Variants in CWC27 observed in about 807,000 individuals in gnomAD.
CWC27 encodes CWC27 spliceosome associated cyclophilin.
Under a neutral mutation model 63.6 loss-of-function variants are expected in CWC27, and 47 were observed. The observed-to-expected ratio is 0.74, with a 90% confidence interval of 0.58 to 0.94. CWC27 has a LOEUF of 0.94. Ranked by LOEUF, CWC27 falls within the 40% of genes least tolerant of loss-of-function variation. The probability of loss-of-function intolerance (pLI) is 0.00; values close to 1 mark genes in which losing one functional copy is unlikely to be tolerated. For synonymous variants in CWC27, 175 were observed against 179.8 expected (o/e 0.97, Z 0.22); for missense variants, 495 against 554.3 (o/e 0.89, Z 1.07).
chr5:64,782,784 C>T lies in CWC27; in HGVS notation c.252+751C>T, dbSNP rs74507623. Among the ~76,000 whole-genome samples the T allele has an allele frequency of 1.9e-3, 287 of 152,248 alleles. 1 individual carries two copies. The highest frequency in any genetic ancestry group is 5.1e-3 in the African/African-American group (211 of 41,568). ...CATTGTGTGATTCTTGAAGAAAATA[C>T]TTGAACTGTTAGCTTTAATTTCCAG... On this transcript the variant is annotated intron_variant, in intron 3 of 13. Transcript: ENST00000381070.
intron 13 of CWC27, among the ~76,000 whole-genome samples, chr5:64,982,738 CT>C (rs1274618472): frequency 3.3e-5 from 5 of 152,132 alleles, no homozygotes; most frequent in Non-Finnish European, 5.9e-5. Flanking sequence ...CAACTTCACC[CT>C]TTAGTATTAG....
At chr5:64,844,762 G>T (rs900485342) in intron 10 of CWC27, among the ~76,000 whole-genome samples, 1 of 152,180 alleles carries the variant, frequency 6.6e-6, no homozygotes, top group African/African-American at 2.4e-5. Flanking sequence ...CCACTTTCAC[G>T]CATCTTAGAG....
intron 13 of CWC27, among the ~76,000 whole-genome samples, chr5:65,010,342 T>C (rs974930699): frequency 6.6e-6 from 1 of 152,158 alleles, no homozygotes; most frequent in Non-Finnish European, 1.5e-5. Flanking sequence ...AACTTGAAAA[T>C]TGTTTGGTCT....
At chr5:64,963,857 A>G (rs1432985134) in intron 11 of CWC27, among the ~76,000 whole-genome samples, 1 of 152,238 alleles carries the variant, frequency 6.6e-6, no homozygotes, top group Non-Finnish European at 1.5e-5. Flanking sequence ...TCCAAAGACC[A>G]AGAACTGGAG....
chr5:64,819,481 T>G (rs892380600), intron 10 of CWC27, among the ~76,000 whole-genome samples: 1 of 152,038 alleles, frequency 6.6e-6, no homozygotes, highest in South Asian at 2.1e-4. Context: ...TGGGAGGTAA[T>G]TAATCATGAG....
intron 13 of CWC27, among the ~76,000 whole-genome samples, chr5:64,986,360 G>A (rs1749427449): frequency 6.6e-6 from 1 of 152,140 alleles, no homozygotes; most frequent in African/African-American, 2.4e-5. Context: ...TGTTGAACCA[G>A]CTTTGTGTAC....
At chr5:65,012,775 G>A (rs1420054047) in intron 13 of CWC27, among the ~76,000 whole-genome samples, 1 of 152,180 alleles carries the variant, frequency 6.6e-6, no homozygotes, top group Non-Finnish European at 1.5e-5. Flanking sequence ...CTCCATCTCT[G>A]AAGGGGCAAG....
chr5:64,774,394 T>G (rs1743367230), intron 1 of CWC27, among the ~76,000 whole-genome samples: 1 of 152,208 alleles, frequency 6.6e-6, no homozygotes, highest in Non-Finnish European at 1.5e-5. Context: ...TGAACTCACT[T>G]TAGATATTAC....
intron 11 of CWC27, among the ~76,000 whole-genome samples, chr5:64,915,229 G>C (rs966547928): frequency 2.0e-5 from 3 of 152,084 alleles, no homozygotes; most frequent in Non-Finnish European, 4.4e-5. Flanking sequence ...AATACTTTTT[G>C]GAAGTGGTAG....
chr5:64,775,542 C>T (rs1388266108), intron 2 of CWC27, among the ~76,000 whole-genome samples: 1 of 152,032 alleles, frequency 6.6e-6, no homozygotes, highest in Non-Finnish European at 1.5e-5. Flanking sequence ...TTTTGGTATG[C>T]TTTTTCTTCC....
intron 11 of CWC27, among the ~76,000 whole-genome samples, chr5:64,922,749 G>A (rs1347339534): frequency 6.6e-6 from 1 of 152,212 alleles, no homozygotes; most frequent in Non-Finnish European, 1.5e-5. Context: ...TGTGGGGGCT[G>A]ATGTTCCTTT....
At chr5:64,919,459 T>C (rs1747954761) in intron 11 of CWC27, among the ~76,000 whole-genome samples, 1 of 152,164 alleles carries the variant, frequency 6.6e-6, no homozygotes, top group Admixed American at 6.5e-5. Context: ...CATCCCAAGG[T>C]AGTGAGCATA....
At chr5:65,007,796 T>C (rs932487981) in intron 13 of CWC27, among the ~76,000 whole-genome samples, 8 of 152,034 alleles carry the variant, frequency 5.3e-5, no homozygotes, top group Non-Finnish European at 1.0e-4. Context: ...CCCGGATAAT[T>C]TTTTTGTATT....
At chr5:64,861,026 C>T (rs1395151675) in intron 10 of CWC27, among the ~76,000 whole-genome samples, 1 of 152,068 alleles carries the variant, frequency 6.6e-6, no homozygotes, top group Non-Finnish European at 1.5e-5. Context: ...AGTTGGGGCT[C>T]CTCAAATGGT....
At position 64,809,421 on chromosome 5, in the gene CWC27, G is replaced by T. The variant is rs141750717; in HGVS notation, c.938+5035G>T. Among the ~76,000 whole-genome samples, 399 of 152,280 alleles carry T rather than the reference G, an allele frequency of 2.6e-3. 3 individuals are homozygous for T. Among genetic ancestry groups the T allele is most frequent in the African/African-American group, 9.4e-3 (389 of 41,556 alleles). ...CTCGCTCTGTTGCCCAGGCTGGAGT[G>T]TAGTGGCACAACCTCAGCTCACTGC... On this transcript the variant is annotated intron_variant, in intron 10 of 13. Transcript: ENST00000381070.
intron 11 of CWC27, among the ~76,000 whole-genome samples, chr5:64,949,019 G>C (rs1245701401): frequency 6.6e-6 from 1 of 151,938 alleles, no homozygotes; most frequent in East Asian, 1.9e-4. Context: ...CTTAAATGTA[G>C]ATGTGTCTAA....
intron 10 of CWC27, among the ~76,000 whole-genome samples, chr5:64,862,752 C>T (rs567325276): frequency 6.6e-6 from 1 of 152,098 alleles, no homozygotes; most frequent in South Asian, 2.1e-4. Flanking sequence ...AACAAAATAC[C>T]ATCAACTGGG....
chr5:64,814,380 G>T (rs1170235341), intron 10 of CWC27, among the ~76,000 whole-genome samples: 1 of 152,188 alleles, frequency 6.6e-6, no homozygotes. Flanking sequence ...CTATACAAAT[G>T]AATAAGGGCT....
intron 10 of CWC27, among the ~76,000 whole-genome samples, chr5:64,875,404 T>G (rs1177340735): frequency 6.6e-6 from 1 of 152,118 alleles, no homozygotes; most frequent in Non-Finnish European, 1.5e-5. Flanking sequence ...ACATAGAACA[T>G]TAGCTCTCAG....
Sources: gnomAD v4.1 joint callset for allele counts (sites outside exome capture counted in the v4.1 genomes callset) on GRCh38, gnomAD v4.1.1 for gene constraint, MANE v1.5 for transcripts, NCBI Gene and HGNC (gene_info 2026-07-23, HGNC 2026-07-21) for gene names.